The following PHF21B variants were observed in gnomAD, a reference collection of about 807,000 sequenced individuals.
PHF21B encodes the protein PHD finger protein 4.
PHF21B carries 22 observed loss-of-function variants against 62.2 expected under a neutral mutation model. The observed-to-expected ratio is 0.35, with a 90% CI of 0.25 to 0.51. PHF21B has a LOEUF of 0.51. PHF21B is among the 20% of genes least tolerant of loss of function. The probability of loss-of-function intolerance (pLI) is 0.97; values close to 1 mark genes in which losing one functional copy is unlikely to be tolerated. For synonymous variants in PHF21B, 341 were observed against 314.7 expected, an observed-to-expected ratio of 1.08 and a Z score of -0.88; for missense variants, 701 against 707.9, an observed-to-expected ratio of 0.99 and a Z score of 0.11.
At chr22:44,884,105 G>A (rs553749963) in intron 12 of PHF21B, among the ~76,000 whole-genome samples, 2 of 103,438 alleles carry the variant, frequency 1.9e-5, no homozygotes, top group East Asian at 2.9e-4. Flanking sequence ...CCATCACTGT[G>A]ATCAGCACCA....
Position 45,009,217 on chromosome 22 carries a change from T to A in PHF21B, c.54+279A>T. The A allele has an allele frequency of 2.4e-6, 1 of 422,494 alleles. No individual in the cohort carries two copies. The highest frequency in any genetic ancestry group is 4.1e-6 in the Non-Finnish European group (1 of 246,712). 26.2% of individuals were successfully genotyped at this position (422,494 alleles called of 1,614,324 possible). On this transcript the variant is annotated intron_variant, in intron 1 of 12. Transcript: ENST00000313237. This position sits in a 1 kb window ranked among gnomAD's most constrained non-coding sequence, Gnocchi z 5.9. Reference sequence around the variant, plus strand: ...ACGAAGGGGCCCCCTCCAGGCACCCTCCCAGTCATGCAGACCCTACATCGC... The same window carrying A: ...ACGAAGGGGCCCCCTCCAGGCACCCACCCAGTCATGCAGACCCTACATCGC...
intron 2 of PHF21B, among the ~76,000 whole-genome samples, chr22:44,942,985 G>A (rs6007396): frequency 0.66 from 97,523 of 146,770 alleles, 33,028 homozygotes; most frequent in Non-Finnish European, 0.76. Flanking sequence ...CGGACCCCCA[G>A]CAGGGAGGGA....
intron 9 of PHF21B, 27 bp downstream of exon 9, chr22:44,889,733 G>A: frequency 6.3e-7 from 1 of 1,583,628 alleles, no homozygotes. Flanking sequence ...CCCCGGAAGT[G>A]TGAAGACGGA....
chr22:44,917,415 A>G (rs2071457668), intron 3 of PHF21B, among the ~76,000 whole-genome samples: 1 of 152,104 alleles, frequency 6.6e-6, no homozygotes, highest in African/African-American at 2.4e-5. Context: ...GATGGTGGAA[A>G]TTCCCATCAG....
Position 44,882,893 on chromosome 22 carries a change from A to G in PHF21B, c.*193T>C, listed in dbSNP as rs2070763633. ...TCCTAGGTACCCCCTGTGAATTTGG[A>G]GGGCACAGGGCCGCACCCCCACCTG... On this transcript the variant is annotated 3_prime_UTR_variant, in exon 13 of 13. Transcript: ENST00000313237. The G allele has an allele frequency of 6.5e-6, 4 of 616,534 alleles. 1 individual carries two copies. The South Asian group carries it at 1.0e-4, about 15-fold the overall frequency. The allele number at this position is 616,534 out of a possible 1,614,324, so 38.2% of individuals were successfully genotyped here. A position where few individuals can be genotyped will look rare whatever the true frequency, so the allele number is the denominator to read the frequency against.
chr22:45,000,854 C>G (rs1569285084), intron 2 of PHF21B: 2 of 152,200 alleles, frequency 1.3e-5, no homozygotes, highest in African/African-American at 4.8e-5. Flanking sequence ...ACCCTCATCT[C>G]TAGTGACAGA....
chr22:44,943,739 C>A (rs981958752), intron 2 of PHF21B, among the ~76,000 whole-genome samples: 27 of 152,256 alleles, frequency 1.8e-4, no homozygotes, highest in African/African-American at 6.5e-4. Context: ...GTGACACTCA[C>A]CCTCAGCTCT....
intron 11 of PHF21B, 108 bp from the exon 12 acceptor site, chr22:44,885,637 C>A (rs1221308392): frequency 1.7e-6 from 2 of 1,170,456 alleles, no homozygotes; most frequent in Non-Finnish European, 2.4e-6. Flanking sequence ...AGGACATCCC[C>A]CTGAAGAAGC....
chr22:44,933,512 C>A, intron 2 of PHF21B: 1 of 985,436 alleles, frequency 1.0e-6, no homozygotes, highest in South Asian at 4.7e-5. Flanking sequence ...GAGGTTCTGC[C>A]CGCGATCTGG....
chr22:44,916,250 C>T, intron 4 of PHF21B, 30 bp downstream of exon 4: 1 of 1,596,604 alleles, frequency 6.3e-7, no homozygotes, highest in South Asian at 1.1e-5. Context: ...GGCCGCACAC[C>T]CTTTCCGGAG....
At chr22:44,988,508 A>G (rs1000729725) in intron 2 of PHF21B, among the ~76,000 whole-genome samples, 1 of 152,176 alleles carries the variant, frequency 6.6e-6, no homozygotes, top group Admixed American at 6.5e-5. Flanking sequence ...GAAGAAAAAA[A>G]TATAACTTCA....
At chr22:44,895,809 C>A (rs888332158) in intron 6 of PHF21B, among the ~76,000 whole-genome samples, 3 of 152,196 alleles carry the variant, frequency 2.0e-5, no homozygotes, top group Admixed American at 6.5e-5. Context: ...GACAGCCACC[C>A]AGCCTCAGGC....
At chr22:44,990,596 C>T (rs546427157) in intron 2 of PHF21B, among the ~76,000 whole-genome samples, 71 of 152,184 alleles carry the variant, frequency 4.7e-4, no homozygotes, top group Non-Finnish European at 8.7e-4. Context: ...GTATATTGCG[C>T]GAAGTGAAAA....
intron 2 of PHF21B, among the ~76,000 whole-genome samples, chr22:44,951,300 A>G (rs1959975226): frequency 6.6e-6 from 1 of 152,184 alleles, no homozygotes; most frequent in South Asian, 2.1e-4. Context: ...GATCCCTTGC[A>G]TGCAGAGTTC....
intron 4 of PHF21B, among the ~76,000 whole-genome samples, chr22:44,915,363 G>T (rs963670578): frequency 6.6e-6 from 1 of 152,220 alleles, no homozygotes; most frequent in Non-Finnish European, 1.5e-5. Flanking sequence ...CCTAGTAAAT[G>T]AACAAAACAG....
intron 5 of PHF21B, among the ~76,000 whole-genome samples, chr22:44,905,769 C>T (rs1357698418): frequency 1.3e-5 from 2 of 152,354 alleles, no homozygotes; most frequent in Non-Finnish European, 2.9e-5. Flanking sequence ...GCTGGGACTA[C>T]AGGCACCCGC....
intron 2 of PHF21B, among the ~76,000 whole-genome samples, chr22:44,922,837 G>A (rs2071561484): frequency 1.3e-5 from 2 of 152,090 alleles, no homozygotes; most frequent in South Asian, 4.1e-4. Context: ...TTAAGAAAGA[G>A]ATATACCGTA....
At chr22:44,931,885 T>C (rs2071749824) in intron 2 of PHF21B, among the ~76,000 whole-genome samples, 1 of 152,062 alleles carries the variant, frequency 6.6e-6, no homozygotes, top group African/African-American at 2.4e-5. Context: ...TCCTGTGCAA[T>C]CCCTCCCACC....
intron 10 of PHF21B, 59 bp downstream of exon 10, chr22:44,887,904 G>GC: frequency 7.3e-7 from 1 of 1,369,748 alleles, no homozygotes; most frequent in South Asian, 1.9e-5. Flanking sequence ...CCCTGTCTCT[G>GC]CCTACGGTGG....
Sources: allele counts gnomAD v4.1 joint callset (sites outside exome capture counted in the v4.1 genomes callset), GRCh38; gene constraint gnomAD v4.1.1; non-coding constraint Gnocchi (gnomAD v3.1); transcripts MANE v1.5; gene names NCBI Gene and HGNC (gene_info 2026-07-23, HGNC 2026-07-21).